The following PLXDC2 variants were observed in gnomAD, a reference collection of about 807,000 sequenced individuals.
PLXDC2 encodes the protein plexin domain-containing protein 2.
A neutral mutation model predicts 68.9 loss-of-function variants in PLXDC2; 40 were observed. That is an observed-to-expected ratio of 0.58 (90% CI 0.45 to 0.76). PLXDC2 has a LOEUF of 0.76. Ranked by LOEUF, PLXDC2 falls within the 30% of genes least tolerant of loss-of-function variation. The pLI is 0.00. For synonymous variants in PLXDC2, 243 were observed against 234.2 expected (o/e 1.04, Z -0.34); for missense variants, 644 against 661.9 (o/e 0.97, Z 0.30).
chr10:19,932,055 T>TAA (rs1157557113), intron 1 of PLXDC2, among the ~76,000 whole-genome samples: 10 of 152,046 alleles, frequency 6.6e-5, no homozygotes, highest in African/African-American at 2.4e-4. Context: ...AGCTTTTTGA[T>TAA]ACTGTGTATC....
At chr10:20,119,129 C>A (rs1284743907) in intron 4 of PLXDC2, among the ~76,000 whole-genome samples, 1 of 151,932 alleles carries the variant, frequency 6.6e-6, no homozygotes, top group African/African-American at 2.4e-5. Flanking sequence ...ATGGGGAAAA[C>A]AATCAAGTAA....
rs116560823 is a variant in PLXDC2 at position 19,844,497 on chromosome 10, A to G, written c.112+27306A>G. Among the ~76,000 whole-genome samples the G allele has an allele frequency of 4.1e-3, 617 of 152,296 alleles. 2 individuals carry two copies. Among genetic ancestry groups the G allele is most frequent in the African/African-American group, 0.014 (572 of 41,584 alleles). ...AGGAGGGTCTTGCTTTTCAAAGGCTACAGGAATGAGGGATTTTCTAATGCG... is the reference window on the plus strand; with the variant it reads ...AGGAGGGTCTTGCTTTTCAAAGGCTGCAGGAATGAGGGATTTTCTAATGCG... On this transcript the variant is annotated intron_variant, in intron 1 of 13. Transcript: ENST00000377252.
chr10:20,216,130 A>T (rs1835134181), intron 10 of PLXDC2, among the ~76,000 whole-genome samples: 1 of 152,174 alleles, frequency 6.6e-6, no homozygotes, highest in Non-Finnish European at 1.5e-5. Context: ...AAATAAAAAA[A>T]TAGAGCAAGA....
At chr10:19,947,490 G>T (rs1455146321) in intron 1 of PLXDC2, among the ~76,000 whole-genome samples, 3 of 152,152 alleles carry the variant, frequency 2.0e-5, no homozygotes, top group African/African-American at 7.2e-5. Flanking sequence ...CTGATGTTCT[G>T]ATAACAAAAT....
chr10:19,928,480 A>G (rs1405955900), intron 1 of PLXDC2, among the ~76,000 whole-genome samples: 2 of 152,144 alleles, frequency 1.3e-5, no homozygotes, highest in African/African-American at 4.8e-5. Context: ...TAGTGCAAAT[A>G]ATCTGTGTTT....
chr10:20,138,785 C>T (rs918996014), intron 4 of PLXDC2, among the ~76,000 whole-genome samples: 1 of 152,056 alleles, frequency 6.6e-6, no homozygotes, highest in African/African-American at 2.4e-5. Flanking sequence ...TGGTGGTGCA[C>T]ACCTGTAATC....
chr10:19,976,114 G>A (rs188333670), intron 1 of PLXDC2, among the ~76,000 whole-genome samples: 79 of 152,226 alleles, frequency 5.2e-4, no homozygotes, highest in African/African-American at 1.8e-3. Context: ...GTTGAAATTC[G>A]TTTCTCCACA....
rs185362784 is a variant in PLXDC2, at chr10:20,250,628, C to A, written c.1473+5123C>A. ...AGGCTCTCCAACTCCAGAGACTATGCCCATAACCACCAGGCTGTGCTGCCT... is the reference window on the plus strand; with the variant it reads ...AGGCTCTCCAACTCCAGAGACTATGACCATAACCACCAGGCTGTGCTGCCT... On this transcript the variant is annotated intron_variant, in intron 13 of 13. Coordinates refer to ENST00000377252, the MANE Select transcript of PLXDC2 (RefSeq NM_032812.9). Among the ~76,000 whole-genome samples, 37 of 152,294 alleles carry A rather than the reference C, an allele frequency of 2.4e-4. No homozygotes were observed. The East Asian group carries it at 7.1e-3, about 29-fold the overall frequency.
intron 4 of PLXDC2, among the ~76,000 whole-genome samples, chr10:20,134,257 A>G (rs181428507): frequency 5.3e-5 from 8 of 152,256 alleles, no homozygotes; most frequent in Admixed American, 5.2e-4. Context: ...GGTTATCTTG[A>G]TGCTATCATG....
intron 13 of PLXDC2, among the ~76,000 whole-genome samples, chr10:20,278,788 A>G (rs1301171128): frequency 6.6e-6 from 1 of 152,218 alleles, no homozygotes; most frequent in African/African-American, 2.4e-5. Context: ...TTCTTTAGAT[A>G]GAAATGAACT....
chr10:19,935,564 T>C (rs1887033), intron 1 of PLXDC2, among the ~76,000 whole-genome samples: 5,303 of 152,298 alleles, frequency 0.035, 324 homozygotes, highest in African/African-American at 0.12. Flanking sequence ...TGCACACATC[T>C]GGCTATTCCC....
intron 1 of PLXDC2, among the ~76,000 whole-genome samples, chr10:19,990,522 G>A (rs12777035): frequency 6.6e-6 from 1 of 152,044 alleles, no homozygotes; most frequent in African/African-American, 2.4e-5. Context: ...AAGTGTTAGA[G>A]CTCAACTAAT....
At chr10:20,123,841 G>A (rs1029356364) in intron 4 of PLXDC2, among the ~76,000 whole-genome samples, 18 of 151,902 alleles carry the variant, frequency 1.2e-4, no homozygotes, top group Admixed American at 2.0e-4. Context: ...AGATATAAGA[G>A]GTTGGGGCAT....
At chr10:19,842,949 A>T (rs1049381633) in intron 1 of PLXDC2, among the ~76,000 whole-genome samples, 3 of 152,210 alleles carry the variant, frequency 2.0e-5, no homozygotes, top group African/African-American at 7.2e-5. Context: ...AGCTAAATGT[A>T]TTCAGTGTTT....
intron 4 of PLXDC2, among the ~76,000 whole-genome samples, chr10:20,076,357 C>G (rs779291428): frequency 5.9e-5 from 9 of 152,160 alleles, no homozygotes; most frequent in Non-Finnish European, 8.8e-5. Context: ...GTTCATAAGC[C>G]AAGGCAATCG....
intron 2 of PLXDC2, among the ~76,000 whole-genome samples, chr10:20,011,343 G>A (rs373116913): frequency 6.6e-6 from 1 of 152,160 alleles, no homozygotes; most frequent in African/African-American, 2.4e-5. Flanking sequence ...GTACTCCTGG[G>A]AGGGAATTCT....
At chr10:20,244,921 C>G (rs1403293456) in intron 12 of PLXDC2, among the ~76,000 whole-genome samples, 1 of 152,140 alleles carries the variant, frequency 6.6e-6, no homozygotes, top group Admixed American at 6.5e-5. Flanking sequence ...TCGAGACCAG[C>G]CTGACCAACA....
At chr10:20,021,705 T>C (rs1322621516) in intron 2 of PLXDC2, among the ~76,000 whole-genome samples, 2 of 126,304 alleles carry the variant, frequency 1.6e-5, no homozygotes, top group Non-Finnish European at 3.9e-5. Context: ...TTATTTATTA[T>C]TTTTATTTTT....
At chr10:19,978,026 C>T (rs1182498764) in intron 1 of PLXDC2, among the ~76,000 whole-genome samples, 1 of 152,202 alleles carries the variant, frequency 6.6e-6, no homozygotes, top group African/African-American at 2.4e-5. Context: ...GCTTCTTAAT[C>T]CTCCTAAATT....
Sources: gnomAD v4.1 joint callset for allele counts (sites outside exome capture counted in the v4.1 genomes callset) on GRCh38, gnomAD v4.1.1 for gene constraint, MANE v1.5 for transcripts, NCBI Gene and HGNC (gene_info 2026-07-23, HGNC 2026-07-21) for gene names.